The following ARFIP1 variants were observed in gnomAD, a reference collection of about 807,000 sequenced individuals.
The protein encoded by ARFIP1 is ARF interacting protein 1.
ARFIP1 carries 24 observed loss-of-function variants against 42.5 expected under a neutral mutation model. That is an observed-to-expected ratio of 0.57 (90% CI 0.41 to 0.80). The LOEUF is 0.80. ARFIP1 is among the 30% of genes least tolerant of loss of function. The probability of loss-of-function intolerance (pLI) is 0.00; values close to 1 mark genes in which losing one functional copy is unlikely to be tolerated. For missense variants in ARFIP1, 354 were observed against 434.0 expected (o/e 0.82, Z 1.64); for synonymous variants, 141 against 153.7 (o/e 0.92, Z 0.61).
intron 2 of ARFIP1, among the ~76,000 whole-genome samples, chr4:152,844,901 A>G (rs981610154): frequency 6.6e-6 from 1 of 152,142 alleles, no homozygotes; most frequent in Non-Finnish European, 1.5e-5. Flanking sequence ...GAGTCCAAAT[A>G]GCCAAAGGAA....
intron 1 of ARFIP1, among the ~76,000 whole-genome samples, chr4:152,793,640 A>G (rs1179832721): frequency 6.6e-6 from 1 of 152,184 alleles, no homozygotes; most frequent in Non-Finnish European, 1.5e-5. Context: ...CAATTATAAC[A>G]ACATATTTTC....
At chr4:152,788,478 A>G (rs1730945129) in intron 1 of ARFIP1, among the ~76,000 whole-genome samples, 1 of 152,050 alleles carries the variant, frequency 6.6e-6, no homozygotes, top group Non-Finnish European at 1.5e-5. Context: ...TCAGGAGTTC[A>G]AGACCAGCCT....
chr4:152,798,806 A>G (rs1731629403), intron 1 of ARFIP1, among the ~76,000 whole-genome samples: 1 of 152,246 alleles, frequency 6.6e-6, no homozygotes, highest in Non-Finnish European at 1.5e-5. Flanking sequence ...CTTAGTGCCT[A>G]GCAGAATTCT....
chr4:152,858,656 A>T (rs1733630007), intron 2 of ARFIP1, among the ~76,000 whole-genome samples: 1 of 152,204 alleles, frequency 6.6e-6, no homozygotes, highest in Non-Finnish European at 1.5e-5. Flanking sequence ...TCAAATATTT[A>T]TTTGATCCCC....
chr4:152,819,284 A>G (rs1730162901), intron 1 of ARFIP1, among the ~76,000 whole-genome samples: 2 of 152,100 alleles, frequency 1.3e-5, no homozygotes, highest in Admixed American at 6.5e-5. Flanking sequence ...GACCTCAACT[A>G]TTGCCATCGC....
intron 1 of ARFIP1, among the ~76,000 whole-genome samples, chr4:152,817,241 C>G (rs1012671103): frequency 6.6e-6 from 1 of 152,112 alleles, no homozygotes; most frequent in African/African-American, 2.4e-5. Flanking sequence ...GTGTATATCT[C>G]TTATTTGCAA....
chr4:152,832,634 A>G (rs1731341715), intron 2 of ARFIP1, among the ~76,000 whole-genome samples: 1 of 152,154 alleles, frequency 6.6e-6, no homozygotes, highest in Non-Finnish European at 1.5e-5. Flanking sequence ...TTTATGTCGC[A>G]TTTAAGAAAT....
chr4:152,786,062 T>C (rs1289795810), intron 1 of ARFIP1, among the ~76,000 whole-genome samples: 4 of 152,256 alleles, frequency 2.6e-5, no homozygotes, highest in Non-Finnish European at 4.4e-5. Flanking sequence ...TTGTTTTAGC[T>C]GATGAAATGT....
intron 2 of ARFIP1, among the ~76,000 whole-genome samples, chr4:152,843,530 C>T (rs939578933): frequency 2.0e-5 from 3 of 152,042 alleles, no homozygotes; most frequent in Admixed American, 1.3e-4. Context: ...AGGGAGGGAC[C>T]ATCAGGTAGG....
chr4:152,895,450 A>C (rs1425715377), intron 8 of ARFIP1, among the ~76,000 whole-genome samples: 2 of 151,336 alleles, frequency 1.3e-5, no homozygotes, highest in African/African-American at 2.4e-5. Flanking sequence ...GCAGTGGTGC[A>C]GTCATAGCTT....
At chr4:152,855,169 C>T (rs962983749) in intron 2 of ARFIP1, among the ~76,000 whole-genome samples, 1 of 152,278 alleles carries the variant, frequency 6.6e-6, no homozygotes, top group Admixed American at 6.5e-5. Context: ...GTGGTAGCAG[C>T]TGAGTGGGTA....
At chr4:152,835,489 C>A (rs1731576199) in intron 2 of ARFIP1, among the ~76,000 whole-genome samples, 1 of 152,216 alleles carries the variant, frequency 6.6e-6, no homozygotes, top group Non-Finnish European at 1.5e-5. Context: ...TCATTTCCAT[C>A]TGAAACCTTG....
intron 1 of ARFIP1, 141 bp from the exon 2 acceptor site, chr4:152,829,484 G>A (rs1731099642): frequency 4.1e-6 from 2 of 492,976 alleles, no homozygotes; most frequent in South Asian, 8.4e-5. Flanking sequence ...AATTATATAT[G>A]TATTCTGTTT....
rs182962846 is a variant in ARFIP1, at chr4:152,835,025, C to T, written c.93+5299C>T. 6.6e-5 allele frequency among the ~76,000 whole-genome samples: 10 copies of T among 152,318 alleles called. No homozygotes were observed. In the East Asian group the frequency reaches 1.9e-3, roughly 29 times the overall value. On this transcript the variant is annotated intron_variant, in intron 2 of 8. Coordinates refer to ENST00000353617, the MANE Select transcript of ARFIP1 (RefSeq NM_001025595.3). The stretch of plus-strand genomic sequence containing the variant: ...TGGCCCACAAAACCATTCTTTTCTT[C>T]TAGGCCTCTGGTCTTGTGATAGGAG...
chr4:152,899,450 A>T (rs1011533083), intron 8 of ARFIP1, among the ~76,000 whole-genome samples: 3 of 152,204 alleles, frequency 2.0e-5, no homozygotes, highest in Admixed American at 2.0e-4. Flanking sequence ...GTTAATAACG[A>T]TCTCCCAACT....
chr4:152,802,082 A>G (rs1264329197), intron 1 of ARFIP1, among the ~76,000 whole-genome samples: 1 of 152,116 alleles, frequency 6.6e-6, no homozygotes, highest in Non-Finnish European at 1.5e-5. Context: ...CAAAGGCCAT[A>G]TTTTTACTAA....
At chr4:152,796,452 G>C (rs879500772) in intron 1 of ARFIP1, 6 of 737,020 alleles carry the variant, frequency 8.1e-6, no homozygotes, top group Admixed American at 3.9e-5. Context: ...TAATGCTTCT[G>C]TTTCTCCCTG....
intron 1 of ARFIP1, among the ~76,000 whole-genome samples, chr4:152,794,025 T>A (rs375336439): frequency 1.3e-5 from 2 of 152,200 alleles, no homozygotes; most frequent in East Asian, 1.9e-4. Context: ...AAAAAACTTT[T>A]CATCTAATTT....
intron 2 of ARFIP1, among the ~76,000 whole-genome samples, chr4:152,857,155 G>A (rs1178905922): frequency 6.6e-6 from 1 of 152,166 alleles, no homozygotes; most frequent in African/African-American, 2.4e-5. Context: ...GTAGTTGAAG[G>A]GCGTTGTCCT....
Sources: gnomAD v4.1 joint callset for allele counts (sites outside exome capture counted in the v4.1 genomes callset) on GRCh38, gnomAD v4.1.1 for gene constraint, MANE v1.5 for transcripts, NCBI Gene and HGNC (gene_info 2026-07-23, HGNC 2026-07-21) for gene names.